The following RECQL4 variants were observed in gnomAD, a reference collection of about 807,000 sequenced individuals.
The protein encoded by RECQL4 is ATP-dependent DNA helicase Q4.
Under a neutral mutation model 128.6 loss-of-function variants are expected in RECQL4, and 158 were observed. That is an observed-to-expected ratio of 1.23 (90% CI 1.08 to 1.40). The LOEUF is 1.40. Among genes scored for constraint, RECQL4 ranks in the 40% most tolerant of loss-of-function variants. The pLI is 0.00. For synonymous variants in RECQL4, 996 were observed against 678.9 expected (o/e 1.47, Z -7.26); for missense variants, 2,293 against 1,649.8 (o/e 1.39, Z -6.75).
At position 144,513,329 on chromosome 8, in the gene RECQL4, C is replaced by T. The variant is rs2130678153; in HGVS notation, c.2352G>A (p.Arg784=). Residue 784 remains arginine (R), a synonymous_variant, in exon 14 of 21, where the codon CGG becomes CGA. Coordinates refer to ENST00000617875, the MANE Select transcript of RECQL4 (RefSeq NM_004260.4). ...FGMGLDRPDV[R]AVLHLGLPPS... ...GGGGCAGCCCCAGATGCAGCACAGC[C>T]CGCACATCTGGCCGGTCCAGCCCCA... is the stretch of plus-strand genomic sequence containing the variant. 6.2e-7 allele frequency: 1 copy of T among 1,603,444 alleles called. No individual in the cohort carries two copies. Among genetic ancestry groups the T allele is most frequent in the Admixed American group, 1.7e-5 (1 of 59,970 alleles).
chr8:144,517,282 G>A (rs951249041), intron 3 of RECQL4, 92 bp from the exon 4 acceptor site: 13 of 1,507,190 alleles, frequency 8.6e-6, no homozygotes, highest in Admixed American at 8.1e-5. Context: ...AGCGAGGCCC[G>A]GCCCTTCTTC....
At chr8:144,514,909 C>T (rs373079914) in intron 9 of RECQL4, 27 bp downstream of exon 9, 116 of 1,608,176 alleles carry the variant, frequency 7.2e-5, no homozygotes, top group Non-Finnish European at 8.8e-5. Flanking sequence ...TGGCTGTGTA[C>T]GTGTGCCCAG....
Position 144,516,653 on chromosome 8 carries a change from T to C in RECQL4, c.466A>G (p.Ser156Gly), listed in dbSNP as rs1586826374. The change falls in exon 5 of 21, where the codon AGT (serine) becomes GGT (glycine). Residue 156 changes from serine to glycine, a missense_variant. By Grantham distance (56) the Ser-to-Gly change is moderately conservative. Transcript: ENST00000617875. ...GPVPSFAEKV[S>G]DEPPQLPEPQ... is the part of the protein sequence containing the mutation. ...TCAGGGAGCTGTGGAGGCTCATCAC[T>C]GACTTTTTCTGCAAAGGAGGGGACA... 1 of 1,603,190 alleles carries C rather than the reference T, an allele frequency of 6.2e-7. No homozygotes were observed.
chr8:144,513,964 C>A lies in RECQL4; in HGVS notation c.2022G>T (p.Leu674=). Residue 674 remains leucine, a synonymous_variant, in exon 12 of 21, where the codon CTG becomes CTT. Coordinates refer to ENST00000617875, the MANE Select transcript of RECQL4 (RefSeq NM_004260.4). ...CCCTGTCCATGGACACGGAAAGGTGCAGGTTGGTGGGAACTGGGGCTGGCC... is the reference window on the plus strand; with the variant it reads ...CCCTGTCCATGGACACGGAAAGGTGAAGGTTGGTGGGAACTGGGGCTGGCC... ...LHGPAPVPTN[L]HLSVSMDRDT... 6.4e-7 allele frequency: 1 copy of A among 1,562,172 alleles called. No individual in the cohort carries two copies. The highest frequency in any genetic ancestry group is 1.8e-4 in the Middle Eastern group (1 of 5,636).
At position 144,512,881 on chromosome 8, in the gene RECQL4, C is replaced by G; in HGVS notation, c.2721G>C (p.Gln907His). 1 of 1,596,700 alleles carries G rather than the reference C, an allele frequency of 6.3e-7. No homozygotes were observed. The highest frequency in any genetic ancestry group is 8.5e-7 in the Non-Finnish European group (1 of 1,171,792). The change falls in exon 15 of 21, where the codon CAG (glutamine) becomes CAC (histidine). Residue 907 changes from glutamine (Q) to histidine (H), a missense_variant. Physicochemically the swap from Gln to His is conservative, Grantham distance 24. Coordinates refer to ENST00000617875, the MANE Select transcript of RECQL4 (RefSeq NM_004260.4). The part of the protein sequence containing the change: ...CMGHERALPI[Q>H]LTVQALDMPE... ...GCATGTCCAAAGCCTGTACGGTAAG[C>G]TGTATTGGGAGTGCCCGCTCATGGC...
In RECQL4 at chr8:144,516,577, T is replaced by C. The variant is rs1001801628; in HGVS notation, c.542A>G (p.Gln181Arg). Reference protein sequence around the residue: ...RLQHLQASLSQRLGSLDPGWL... With the variant: ...RLQHLQASLSRRLGSLDPGWL... ...GCCAGGATCTAGGGAGCCCAGCCGC[T>C]GGCTCAGGGATGCCTGCAGATGCTG... The change falls in exon 5 of 21, where the codon CAG becomes CGG. Residue 181 changes from glutamine to arginine, a missense_variant. Coordinates refer to ENST00000617875, the MANE Select transcript of RECQL4 (RefSeq NM_004260.4). 1 of 1,610,150 alleles carries C rather than the reference T, an allele frequency of 6.2e-7. No individual in the cohort carries two copies. Among genetic ancestry groups the C allele is most frequent in the Non-Finnish European group, 8.5e-7 (1 of 1,178,778 alleles).
Position 144,513,337 on chromosome 8 carries a change from C to G in RECQL4, c.2344G>C (p.Asp782His). Residue 782 changes from aspartate to histidine, a missense_variant, in exon 14 of 21, where the codon GAT (aspartate) becomes CAT (histidine). Transcript: ENST00000617875. The part of the protein sequence containing the change: ...VAFGMGLDRP[D>H]VRAVLHLGLP... ...CCCAGATGCAGCACAGCCCGCACAT[C>G]TGGCCGGTCCAGCCCCATCCCAAAG... 1 of 1,604,158 alleles carries G rather than the reference C, an allele frequency of 6.2e-7. No homozygotes were observed. The highest frequency in any genetic ancestry group is 8.5e-7 in the Non-Finnish European group (1 of 1,179,614).
rs760096494 is a variant in RECQL4, at chr8:144,512,407, G to C, written c.3040C>G (p.His1014Asp). ...RRALCQLQWD[H>D]EPRTGVRRGT... ...AGAGGCGCACCTGTCCTGGGCTCGT[G>C]GTCCCACTGCAGCTGGCAGAGAGCC... The change falls in exon 17 of 21, where the codon CAC (histidine) becomes GAC (aspartate). Residue 1014 changes from histidine to aspartate, a missense_variant. Coordinates refer to ENST00000617875, the MANE Select transcript of RECQL4 (RefSeq NM_004260.4). 2 of 1,607,460 alleles carry C rather than the reference G, an allele frequency of 1.2e-6. No individual in the cohort carries two copies. The highest frequency in any genetic ancestry group is 3.3e-5 in the Admixed American group (2 of 59,868).
At position 144,513,492 on chromosome 8, in the gene RECQL4, ACAGG is replaced by A. The variant is rs1349940888; in HGVS notation, c.2201-16_2201-13del. On this transcript the variant is annotated splice_polypyrimidine_tract_variant and intron_variant, in intron 13 of 20. Coordinates refer to ENST00000617875, the MANE Select transcript of RECQL4 (RefSeq NM_004260.4). ...TTTGGGGGCACGACCTTTGGGGAAG[ACAGG>A]CAGATGGTCAGTGGGATGGGACCAT... 1.2e-6 allele frequency: 2 copies of A among 1,610,240 alleles called. No individual in the cohort carries two copies. The highest frequency in any genetic ancestry group is 4.5e-5 in the East Asian group (2 of 44,868).
In RECQL4 at chr8:144,516,891, G is replaced by A. The variant is rs576805543; in HGVS notation, c.355-127C>T. 111 of 1,372,914 alleles carry A rather than the reference G, an allele frequency of 8.1e-5. No individual in the cohort carries two copies. In the East Asian group the frequency reaches 1.4e-3, roughly 17 times the overall value. The allele number at this position is 1,372,914 out of a possible 1,614,324, so 85.0% of individuals were successfully genotyped here. ...AATTAGCACAAGGCTGGACTAGAAA[G>A]GGAGTCAAGGGCGAAGGCCCCGAGA... On this transcript the variant is annotated intron_variant, in intron 4 of 20. Transcript: ENST00000617875.
Position 144,514,487 on chromosome 8 carries a change from T to C in RECQL4, c.1659A>G (p.Ile553Met), listed in dbSNP as rs1034720495. 4.3e-6 allele frequency: 7 copies of C among 1,612,140 alleles called. No homozygotes were observed. Among genetic ancestry groups the C allele is most frequent in the African/African-American group, 2.7e-5 (2 of 74,890 alleles). Residue 553 changes from isoleucine (I) to methionine (M), a missense_variant, in exon 10 of 21, where the codon ATA becomes ATG. Ile to Met is a conservative substitution (Grantham distance 10). Coordinates refer to ENST00000617875, the MANE Select transcript of RECQL4 (RefSeq NM_004260.4). ...GTTGCTTCCTGGTCATGCCCGAGTG[T>C]ATGCAGGCCGCCTTGAGACACGGTG... ...GLPPCLKAAC[I>M]HSGMTRKQRE... is the part of the protein sequence containing the mutation.
At chr8:144,514,888 G>C (rs780724183) in intron 9 of RECQL4, 48 bp downstream of exon 9, 1 of 1,599,832 alleles carries the variant, frequency 6.3e-7, no homozygotes, top group Non-Finnish European at 8.5e-7. Flanking sequence ...GGAGTCACAA[G>C]TGCTGGTTCT....
chr8:144,515,452 C>A lies in RECQL4; in HGVS notation c.1264G>T (p.Glu422Ter). Residue 422 changes from glutamate (E) to a stop codon, truncating the protein, a stop_gained, in exon 7 of 21, where the codon GAG (glutamate) becomes TAG (stop). Coordinates refer to ENST00000617875, the MANE Select transcript of RECQL4 (RefSeq NM_004260.4). LOFTEE classifies it high-confidence loss of function. ...GGCCCAACAGCATCTGTGTCTTCCTCACTTGCTGGGGCAGGCAGGAGAGGG... is the reference window on the plus strand; with the variant it reads ...GGCCCAACAGCATCTGTGTCTTCCTAACTTGCTGGGGCAGGCAGGAGAGGG... Reference protein sequence around the residue: ...WAAQCPRPASEEDTDAVGPEP... With the variant: ...WAAQCPRPAS The A allele has an allele frequency of 2.5e-6, 4 of 1,612,732 alleles. No homozygotes were observed. The highest frequency in any genetic ancestry group is 3.4e-6 in the Non-Finnish European group (4 of 1,179,832).
In RECQL4 at chr8:144,512,072, G is replaced by C. The variant is rs368617241; in HGVS notation, c.3237-5C>G. On this transcript the variant is annotated splice_region_variant and splice_polypyrimidine_tract_variant and intron_variant, in intron 18 of 20. Transcript: ENST00000617875. ...CCGCAGCTGGGGAAGGCTACGCTGT[G>C]GGGAGGAGCCTGTCAGAGCTGATCA... 3.7e-6 allele frequency: 6 copies of C among 1,606,946 alleles called. No individual in the cohort carries two copies. In the African/African-American group the frequency reaches 6.7e-5, roughly 18 times the overall value.
At position 144,513,444 on chromosome 8, in the gene RECQL4, G is replaced by C. The variant is rs201883228; in HGVS notation, c.2237C>G (p.Ala746Gly). The C allele has an allele frequency of 6.2e-7, 1 of 1,609,684 alleles. No individual in the cohort carries two copies. Among genetic ancestry groups the C allele is most frequent in the Admixed American group, 1.7e-5 (1 of 59,988 alleles). The change falls in exon 14 of 21, where the codon GCG (alanine) becomes GGG (glycine). Residue 746 changes from alanine (A) to glycine (G), a missense_variant. Physicochemically the swap from Ala to Gly is moderately conservative, Grantham distance 60. Transcript: ENST00000617875. ...CCGCCGTTCCCGGCTGCACATGCCC[G>C]CGTGGTAGGCCTCGGCTGTGGTTTT... ...APKTTAEAYH[A>G]GMCSRERRRV...
At chr8:144,514,822 C>T in intron 9 of RECQL4, 114 bp downstream of exon 9, 2 of 1,330,808 alleles carry the variant, frequency 1.5e-6, no homozygotes, top group Non-Finnish European at 2.1e-6. Context: ...AGGCCACAGA[C>T]ACCTTGAAGC....
chr8:144,513,227 C>T lies in RECQL4; in HGVS notation c.2454G>A (p.Leu818=), dbSNP rs1586801547. 6.3e-7 allele frequency: 1 copy of T among 1,578,584 alleles called. No homozygotes were observed. The highest frequency in any genetic ancestry group is 8.6e-7 in the Non-Finnish European group (1 of 1,166,680). Residue 818 remains leucine, a synonymous_variant, in exon 14 of 21, where the codon CTG becomes CTA. Transcript: ENST00000617875. ...DGQPAHCHLF[L]QPQGEDLREL... is the part of the protein sequence containing the mutation. ...GGGGGGGGGTGCCAACCTGGGGCTG[C>T]AGGAAGAGGTGGCAGTGGGCAGGCT...
intron 13 of RECQL4, 45 bp downstream of exon 13, chr8:144,513,526 G>A (rs1049664863): frequency 1.9e-6 from 3 of 1,610,510 alleles, no homozygotes; most frequent in Non-Finnish European, 2.5e-6. Context: ...GACCATGTGT[G>A]CCCAAGGTGG....
chr8:144,515,571 GGCTACTTTTTCCAAA>G lies in RECQL4; in HGVS notation c.1259-129_1259-115del, dbSNP rs35356812. 96 of 1,534,798 alleles carry G rather than the reference GGCTACTTTTTCCAAA, an allele frequency of 6.3e-5. No homozygotes were observed. In the East Asian group the frequency reaches 9.7e-4, roughly 16 times the overall value. ...GGCAGCAGGCAGTGCCCTTCCTCTG[GGCTACTTTTTCCAAA>G]GCAGAAAAGAGTGACAGCCATCGTC... On this transcript the variant is annotated intron_variant, in intron 6 of 20. Transcript: ENST00000617875.
Sources: allele counts gnomAD v4.1 joint callset, GRCh38; gene constraint gnomAD v4.1.1; transcripts MANE v1.5; gene names NCBI Gene and HGNC (gene_info 2026-07-23, HGNC 2026-07-21).